Variants in NDST3 observed in about 807,000 individuals in gnomAD.
The protein encoded by NDST3 is bifunctional heparan sulfate N-deacetylase/N-sulfotransferase 3.
Under a neutral mutation model 96.1 loss-of-function variants are expected in NDST3, and 58 were observed. That is an observed-to-expected ratio of 0.60 (90% CI 0.49 to 0.75). The LOEUF (loss-of-function observed/expected upper bound fraction) is 0.75, where lower values mean the gene tolerates loss of function less well. Ranked by LOEUF, NDST3 falls within the 30% of genes least tolerant of loss-of-function variation. The probability of loss-of-function intolerance (pLI) is 0.00; values close to 1 mark genes in which losing one functional copy is unlikely to be tolerated. For synonymous variants in NDST3, 333 were observed against 359.7 expected (o/e 0.93, Z 0.84); for missense variants, 788 against 1,034.2 (o/e 0.76, Z 3.27).
rs185221679 is a variant in NDST3 at position 118,160,520 on chromosome 4, C to T, written c.1539+16836C>T. 2.8e-3 allele frequency among the ~76,000 whole-genome samples: 431 copies of T among 151,374 alleles called. 1 individual carries two copies. Among genetic ancestry groups the T allele is most frequent in the Non-Finnish European group, 4.9e-3 (330 of 67,872 alleles). On this transcript the variant is annotated intron_variant, in intron 6 of 13. Coordinates refer to ENST00000296499, the MANE Select transcript of NDST3 (RefSeq NM_004784.3). Reference sequence around the variant, plus strand: ...AAAGTGAGCAAGGGACATGAACAGACACTTTTCAAAAGAAGACATACATGT... The same window carrying T: ...AAAGTGAGCAAGGGACATGAACAGATACTTTTCAAAAGAAGACATACATGT...
At chr4:118,064,893 G>T (rs982755055) in intron 2 of NDST3, among the ~76,000 whole-genome samples, 4 of 152,064 alleles carry the variant, frequency 2.6e-5, no homozygotes, top group Admixed American at 1.3e-4. Context: ...TCTAGATTCC[G>T]CACACATTCC....
At chr4:118,211,647 T>G (rs965895501) in intron 6 of NDST3, among the ~76,000 whole-genome samples, 1 of 152,206 alleles carries the variant, frequency 6.6e-6, no homozygotes, top group African/African-American at 2.4e-5. Context: ...GCACAGGGGT[T>G]GGCTCTGGCA....
intron 2 of NDST3, among the ~76,000 whole-genome samples, chr4:118,103,612 A>C (rs1729936948): frequency 6.6e-6 from 1 of 152,156 alleles, no homozygotes; most frequent in South Asian, 2.1e-4. Context: ...TTGTAACTTC[A>C]TCATGTCCAG....
chr4:118,100,804 T>C (rs1166447272), intron 2 of NDST3, among the ~76,000 whole-genome samples: 1 of 152,164 alleles, frequency 6.6e-6, no homozygotes, highest in Non-Finnish European at 1.5e-5. Flanking sequence ...GTAAATCATG[T>C]CTACCACTTC....
intron 6 of NDST3, among the ~76,000 whole-genome samples, chr4:118,206,901 G>C (rs1738471616): frequency 7.0e-6 from 1 of 143,066 alleles, no homozygotes; most frequent in African/African-American, 2.6e-5. Context: ...TTTCGAATGA[G>C]TGAAGTGATG....
At chr4:118,184,600 T>TACACACACA (rs1560703433) in intron 6 of NDST3, among the ~76,000 whole-genome samples, 1 of 89,506 alleles carries the variant, frequency 1.1e-5, no homozygotes, top group Admixed American at 1.6e-4. Context: ...TCTCTCTCTC[T>TACACACACA]CTACACACAC....
intron 6 of NDST3, among the ~76,000 whole-genome samples, chr4:118,144,404 T>C (rs1733793561): frequency 6.6e-6 from 1 of 152,094 alleles, no homozygotes; most frequent in South Asian, 2.1e-4. Flanking sequence ...ATGGTCTCAA[T>C]CTCCTGACCT....
chr4:118,082,724 T>C (rs1418478298), intron 2 of NDST3, among the ~76,000 whole-genome samples: 1 of 152,128 alleles, frequency 6.6e-6, no homozygotes, highest in Non-Finnish European at 1.5e-5. Context: ...TGCATAAATG[T>C]AAGAGTACTG....
intron 2 of NDST3, among the ~76,000 whole-genome samples, chr4:118,066,333 ATATATATTATATATCATATATCATATGT>A (rs1560618424): frequency 0.019 from 37 of 1,900 alleles, 1 homozygote; most frequent in African/African-American, 0.023. Flanking sequence ...ATTATGTATT[ATATATATTATATATCATATATCATATGT>A]TATATATTAT....
At chr4:118,110,774 G>A (rs1386659746) in intron 3 of NDST3, among the ~76,000 whole-genome samples, 2 of 152,038 alleles carry the variant, frequency 1.3e-5, no homozygotes, top group Admixed American at 1.3e-4. Context: ...ACTTAAAACA[G>A]AACTAATATT....
At chr4:118,231,145 G>A (rs1740260406) in intron 8 of NDST3, among the ~76,000 whole-genome samples, 1 of 151,898 alleles carries the variant, frequency 6.6e-6, no homozygotes, top group African/African-American at 2.4e-5. Flanking sequence ...AGACCAGCCT[G>A]GCCAACATGG....
Position 118,242,593 on chromosome 4 carries a change from T to C in NDST3, c.2399+444T>C, listed in dbSNP as rs1012748259. Among the ~76,000 whole-genome samples the C allele has an allele frequency of 5.9e-5, 9 of 152,196 alleles. No individual in the cohort carries two copies. The East Asian group carries it at 1.2e-3, about 20-fold the overall frequency. ...ACAGCAAGAAATAGTCCATAGGTGA[T>C]TGAATAAGCAGAGAGAGATGTACTA... On this transcript the variant is annotated intron_variant, in intron 12 of 13. Transcript: ENST00000296499.
intron 1 of NDST3, among the ~76,000 whole-genome samples, chr4:118,046,527 C>G (rs998726707): frequency 5.3e-5 from 8 of 152,200 alleles, no homozygotes; most frequent in African/African-American, 1.9e-4. Context: ...CCTCTCAGGG[C>G]CACACCCTAG....
chr4:118,182,567 A>G (rs1046933264), intron 6 of NDST3, among the ~76,000 whole-genome samples: 1 of 152,192 alleles, frequency 6.6e-6, no homozygotes, highest in Non-Finnish European at 1.5e-5. Context: ...AATGAGGACA[A>G]GGACTTCTTA....
intron 2 of NDST3, among the ~76,000 whole-genome samples, chr4:118,057,055 T>C (rs1725489112): frequency 6.6e-6 from 1 of 151,940 alleles, no homozygotes; most frequent in African/African-American, 2.4e-5. Context: ...GACAGCAATT[T>C]CTTGAAACCA....
At chr4:118,165,879 C>A (rs1735513542) in intron 6 of NDST3, among the ~76,000 whole-genome samples, 1 of 151,436 alleles carries the variant, frequency 6.6e-6, no homozygotes, top group Non-Finnish European at 1.5e-5. Flanking sequence ...AAAAACAAAA[C>A]ACCTACCAAA....
At chr4:118,154,101 C>T (rs1171443248) in intron 6 of NDST3, among the ~76,000 whole-genome samples, 1 of 152,030 alleles carries the variant, frequency 6.6e-6, no homozygotes, top group Non-Finnish European at 1.5e-5. Flanking sequence ...CACAGAGTTA[C>T]ACAATAAATG....
chr4:118,052,729 C>T (rs1238417465), intron 1 of NDST3, among the ~76,000 whole-genome samples: 2 of 151,932 alleles, frequency 1.3e-5, no homozygotes, highest in Non-Finnish European at 2.9e-5. Context: ...TCAAAATACT[C>T]TTAACAGTAA....
At chr4:118,089,162 TTTAAA>T (rs1728667965) in intron 2 of NDST3, among the ~76,000 whole-genome samples, 1 of 151,990 alleles carries the variant, frequency 6.6e-6, no homozygotes. Flanking sequence ...AATTTGGAAT[TTTAAA>T]TTAAGATATA....
Sources: allele counts gnomAD v4.1 joint callset (sites outside exome capture counted in the v4.1 genomes callset), GRCh38; gene constraint gnomAD v4.1.1; transcripts MANE v1.5; gene names NCBI Gene and HGNC (gene_info 2026-07-23, HGNC 2026-07-21).